Variants in ASXL2 observed in about 807,000 individuals in gnomAD.
ASXL2 encodes the protein putative Polycomb group protein ASXL2.
In ASXL2, 23 loss-of-function variants were observed where a neutral mutation model predicts 122.0. The observed-to-expected ratio is 0.19, with a 90% confidence interval of 0.14 to 0.27. The LOEUF (loss-of-function observed/expected upper bound fraction) is 0.27. Among genes scored for constraint, ASXL2 ranks in the 10% least tolerant of loss-of-function variants. The pLI, the probability that ASXL2 is intolerant of heterozygous loss-of-function variation, is 1.00. For synonymous variants in ASXL2, 650 were observed against 637.0 expected, an observed-to-expected ratio of 1.02 and a Z score of -0.31; for missense variants, 1,518 against 1,713.8, an observed-to-expected ratio of 0.89 and a Z score of 2.02.
chr2:25,864,005 CAA>C (rs977956229), intron 1 of ASXL2, among the ~76,000 whole-genome samples: 2 of 92,738 alleles, frequency 2.2e-5, no homozygotes, highest in Non-Finnish European at 2.2e-5. Flanking sequence ...GACTCCATCT[CAA>C]AAAAAAAAAA....
At position 25,807,688 on chromosome 2, in the gene ASXL2, C is replaced by T. The variant is rs145112097; in HGVS notation, c.144-1351G>A. ...CACTATTATTGAAGTAGTATGTTTC[C>T]GAGAGAAAAAAAATCACCAAATGAA... On this transcript the variant is annotated intron_variant, in intron 3 of 12. Coordinates refer to ENST00000435504, the MANE Select transcript of ASXL2 (RefSeq NM_018263.6). Among the ~76,000 whole-genome samples, 5 of 151,652 alleles carry T rather than the reference C, an allele frequency of 3.3e-5. No homozygotes were observed. The East Asian group carries it at 7.7e-4, about 23-fold the overall frequency.
rs1440065424 is a variant in ASXL2 at position 25,815,983 on chromosome 2, C to G, written c.144-9646G>C. 2.0e-5 allele frequency among the ~76,000 whole-genome samples: 3 copies of G among 152,240 alleles called. No homozygotes were observed. The East Asian group carries it at 5.8e-4, about 29-fold the overall frequency. On this transcript the variant is annotated intron_variant, in intron 3 of 12. Transcript: ENST00000435504. The stretch of plus-strand genomic sequence containing the variant: ...CTTCTGTTAACGAGAAAAGATTACC[C>G]TTATGCATCAATAATGTATATTACA...
At chr2:25,834,725 A>G (rs2089489109) in intron 3 of ASXL2, among the ~76,000 whole-genome samples, 1 of 152,206 alleles carries the variant, frequency 6.6e-6, no homozygotes, top group Non-Finnish European at 1.5e-5. Flanking sequence ...TGAATCTAAA[A>G]GGCCATGCCC....
rs2089395331 is a variant in ASXL2, at chr2:25,827,760, G to A, written c.143+7778C>T. ...AAAACTTTTAAACAAGCAGCTTGGG[G>A]TAAGTAGATCTAGTTGTGGCCCCAA... On this transcript the variant is annotated intron_variant, in intron 3 of 12. Coordinates refer to ENST00000435504, the MANE Select transcript of ASXL2 (RefSeq NM_018263.6). Among the ~76,000 whole-genome samples, 3 of 152,122 alleles carry A rather than the reference G, an allele frequency of 2.0e-5. No individual in the cohort carries two copies. In the South Asian group the frequency reaches 6.2e-4, roughly 31 times the overall value.
intron 8 of ASXL2, among the ~76,000 whole-genome samples, chr2:25,761,672 C>CAAAA (rs1184631489): frequency 3.5e-5 from 2 of 56,898 alleles, no homozygotes; most frequent in Non-Finnish European, 7.5e-5. Context: ...GACTCCGTCT[C>CAAAA]AAAAAAAAAA....
At chr2:25,790,484 TTA>T (rs907499578) in intron 5 of ASXL2, among the ~76,000 whole-genome samples, 1 of 152,090 alleles carries the variant, frequency 6.6e-6, no homozygotes, top group African/African-American at 2.4e-5. Flanking sequence ...AAGACCCTGT[TTA>T]TAGTCTTTTC....
intron 5 of ASXL2, among the ~76,000 whole-genome samples, chr2:25,784,888 C>T (rs1353548814): frequency 6.6e-6 from 1 of 152,198 alleles, no homozygotes; most frequent in Admixed American, 6.5e-5. Context: ...TTCAATATAT[C>T]TTTTTGAAGG....
At chr2:25,835,635 T>A (rs533431180) in intron 2 of ASXL2, 95 bp from the exon 3 acceptor site, 1 of 225,094 alleles carries the variant, frequency 4.4e-6, no homozygotes, top group African/African-American at 2.3e-5. Context: ...AATTAAACTG[T>A]CCCTTCCCAT....
chr2:25,772,252 G>A lies in ASXL2; in HGVS notation c.404-712C>T, dbSNP rs75679449. ...TAAACAATATGTGAGTAGTGTTTACGATAAATACAGAAATTGCTGATTCAG... is the reference window on the plus strand; with the variant it reads ...TAAACAATATGTGAGTAGTGTTTACAATAAATACAGAAATTGCTGATTCAG... On this transcript the variant is annotated intron_variant, in intron 5 of 12. Coordinates refer to ENST00000435504, the MANE Select transcript of ASXL2 (RefSeq NM_018263.6). Among the ~76,000 whole-genome samples the A allele has an allele frequency of 2.4e-3, 367 of 152,056 alleles. 2 individuals are homozygous for A. The highest frequency in any genetic ancestry group is 8.4e-3 in the African/African-American group (349 of 41,458).
chr2:25,816,890 C>G (rs547996321), intron 3 of ASXL2, among the ~76,000 whole-genome samples: 3 of 152,122 alleles, frequency 2.0e-5, no homozygotes, highest in Admixed American at 2.0e-4. Flanking sequence ...TTTGGGAGGC[C>G]GAGGTTGGCG....
chr2:25,772,812 T>C (rs1191630748), intron 5 of ASXL2, among the ~76,000 whole-genome samples: 1 of 151,348 alleles, frequency 6.6e-6, no homozygotes, highest in East Asian at 1.9e-4. Flanking sequence ...GCATAGCTCA[T>C]TGGAGTATGC....
chr2:25,782,328 T>C (rs1231129593), intron 5 of ASXL2, among the ~76,000 whole-genome samples: 1 of 151,992 alleles, frequency 6.6e-6, no homozygotes, highest in Non-Finnish European at 1.5e-5. Flanking sequence ...GTGGATCATC[T>C]GAGGTCAGGA....
intron 1 of ASXL2, among the ~76,000 whole-genome samples, chr2:25,876,030 T>C (rs886435824): frequency 3.3e-5 from 5 of 152,152 alleles, no homozygotes; most frequent in African/African-American, 9.7e-5. Flanking sequence ...CCCTCACTTA[T>C]AGGTAATAAA....
At chr2:25,779,029 T>C (rs2149160376) in intron 5 of ASXL2, among the ~76,000 whole-genome samples, 2 of 151,868 alleles carry the variant, frequency 1.3e-5, no homozygotes, top group South Asian at 4.2e-4. Flanking sequence ...AAAATGAAAT[T>C]CATGCTTGGA....
At chr2:25,753,884 C>G (rs750983110) in intron 10 of ASXL2, among the ~76,000 whole-genome samples, 8 of 152,194 alleles carry the variant, frequency 5.3e-5, no homozygotes, top group African/African-American at 9.7e-5. Flanking sequence ...TTTCGCTGGG[C>G]TTCCCTGTGG....
intron 8 of ASXL2, among the ~76,000 whole-genome samples, chr2:25,761,545 C>A (rs573330860): frequency 1.3e-5 from 2 of 151,576 alleles, no homozygotes; most frequent in African/African-American, 4.9e-5. Flanking sequence ...TGGTGGTGCG[C>A]GCCTGTAATC....
At chr2:25,755,384 A>G (rs2088114533) in intron 10 of ASXL2, among the ~76,000 whole-genome samples, 1 of 152,236 alleles carries the variant, frequency 6.6e-6, no homozygotes, top group Admixed American at 6.5e-5. Flanking sequence ...TACTATATGC[A>G]GTGCCCACAC....
At chr2:25,838,400 T>G (rs2089538491) in intron 2 of ASXL2, among the ~76,000 whole-genome samples, 1 of 152,244 alleles carries the variant, frequency 6.6e-6, no homozygotes, top group Admixed American at 6.5e-5. Flanking sequence ...ATAACTTTCC[T>G]GTTCAAATTA....
At chr2:25,808,280 C>G (rs553857902) in intron 3 of ASXL2, among the ~76,000 whole-genome samples, 8 of 152,088 alleles carry the variant, frequency 5.3e-5, no homozygotes, top group African/African-American at 1.9e-4. Flanking sequence ...CAGTATGAAT[C>G]GTAAGGAGAA....
Sources: gnomAD v4.1 joint callset for allele counts (sites outside exome capture counted in the v4.1 genomes callset) on GRCh38, gnomAD v4.1.1 for gene constraint, MANE v1.5 for transcripts, NCBI Gene and HGNC (gene_info 2026-07-23, HGNC 2026-07-21) for gene names.